The following MRAP variants were observed in gnomAD, a reference collection of about 807,000 sequenced individuals.
The protein encoded by MRAP is melanocortin 2 receptor accessory protein.
In MRAP, 8 loss-of-function variants were observed where a neutral mutation model predicts 8.7. The observed-to-expected ratio is 0.92, with a 90% CI of 0.54 to 1.66. The LOEUF (loss-of-function observed/expected upper bound fraction) is 1.66, where lower values mean the gene tolerates loss of function less well. Among genes scored for constraint, MRAP ranks in the 40% most tolerant of loss-of-function variants. MRAP has a pLI of 0.00. For synonymous variants in MRAP, 95 were observed against 95.5 expected, an observed-to-expected ratio of 1.00 and a Z score of 0.03; for missense variants, 237 against 217.1, an observed-to-expected ratio of 1.09 and a Z score of -0.58.
At chr21:32,300,787 G>A (rs974517877) in intron 1 of MRAP, among the ~76,000 whole-genome samples, 2 of 141,480 alleles carry the variant, frequency 1.4e-5, no homozygotes, top group South Asian at 4.6e-4. Context: ...TCCTATGTCG[G>A]ATGTGTCATG....
In MRAP at chr21:32,309,605, C is replaced by A. The variant is rs1043494397; in HGVS notation, c.207-2079C>A. On this transcript the variant is annotated intron_variant, in intron 2 of 2. Coordinates refer to ENST00000303645, the MANE Select transcript of MRAP (RefSeq NM_001379228.1). ...TAGCTGGGATTACAGGCACCCGCCA[C>A]GACGCACAGCTAATTTTTGTATTTT... 4.6e-5 allele frequency among the ~76,000 whole-genome samples: 7 copies of A among 150,952 alleles called. No homozygotes were observed. The East Asian group carries it at 1.4e-3, about 31-fold the overall frequency.
At chr21:32,304,972 T>TG (rs2032377839) in intron 1 of MRAP, among the ~76,000 whole-genome samples, 1 of 64,644 alleles carries the variant, frequency 1.5e-5, no homozygotes, top group Admixed American at 1.4e-4. Flanking sequence ...GTTGTTTTTT[T>TG]TTTTTTTTTT....
At chr21:32,308,181 T>C (rs2032464604) in intron 2 of MRAP, among the ~76,000 whole-genome samples, 1 of 152,112 alleles carries the variant, frequency 6.6e-6, no homozygotes, top group African/African-American at 2.4e-5. Context: ...GAGACCAGAC[T>C]GGCCAACATG....
intron 1 of MRAP, among the ~76,000 whole-genome samples, chr21:32,300,603 C>T (rs1436199552): frequency 3.8e-5 from 5 of 132,558 alleles, no homozygotes; most frequent in East Asian, 2.4e-4. Context: ...CGTCCTATGT[C>T]GGATATGTCA....
chr21:32,307,312 C>T (rs574056571), intron 2 of MRAP, among the ~76,000 whole-genome samples: 1 of 152,140 alleles, frequency 6.6e-6, no homozygotes, highest in South Asian at 2.1e-4. Context: ...TGGTGGCTCA[C>T]GCCTGTAATC....
intron 2 of MRAP, among the ~76,000 whole-genome samples, chr21:32,310,327 C>G (rs986467576): frequency 2.7e-5 from 4 of 150,202 alleles, no homozygotes; most frequent in African/African-American, 1.0e-4. Flanking sequence ...GAGCTGACAC[C>G]TTCCCATGAT....
intron 2 of MRAP, among the ~76,000 whole-genome samples, chr21:32,310,343 G>A (rs922113322): frequency 6.6e-6 from 1 of 152,178 alleles, no homozygotes. Flanking sequence ...ATGATGGGGG[G>A]GGGAGGGGAG....
At position 32,311,660 on chromosome 21, in the gene MRAP, C is replaced by T. The variant is rs759938295; in HGVS notation, c.207-24C>T. The T allele has an allele frequency of 2.0e-5, 33 of 1,612,398 alleles. No homozygotes were observed. The Admixed American group carries it at 5.2e-4, about 25-fold the overall frequency. ...TGTTCTGCAGCAACTATGATGCCTG[C>T]CTCCCACTCTGCTCTGTTCACAGGA... is the stretch of plus-strand genomic sequence containing the variant. On this transcript the variant is annotated intron_variant, in intron 2 of 2. Coordinates refer to ENST00000303645, the MANE Select transcript of MRAP (RefSeq NM_001379228.1).
At chr21:32,298,347 G>C (rs377206276), upstream of MRAP, among the ~76,000 whole-genome samples, 2 of 152,100 alleles carry the variant, frequency 1.3e-5, no homozygotes, top group African/African-American at 4.8e-5. Context: ...TATAAGTGGA[G>C]AGGTGCACTC....
chr21:32,311,618 A>G, intron 2 of MRAP, 66 bp from the exon 3 acceptor site: 1 of 1,562,516 alleles, frequency 6.4e-7, no homozygotes, highest in East Asian at 2.2e-5. Flanking sequence ...GAAACCCCCC[A>G]GCCCCACAGT....
At chr21:32,298,200 G>A (rs183077406), upstream of MRAP, among the ~76,000 whole-genome samples, 38 of 152,264 alleles carry the variant, frequency 2.5e-4, no homozygotes, top group Middle Eastern at 3.4e-3. Flanking sequence ...AAGAATCTGC[G>A]TCACGTGTGG....
rs532019917 is a variant in MRAP, at chr21:32,299,491, C to T, written c.106+414C>T. Among the ~76,000 whole-genome samples the T allele has an allele frequency of 4.6e-5, 7 of 152,152 alleles. No homozygotes were observed. In the South Asian group the frequency reaches 1.0e-3, roughly 23 times the overall value. On this transcript the variant is annotated intron_variant, in intron 1 of 2. Transcript: ENST00000303645. ...CTGAGACTATGGGCACATGCTACCA[C>T]GCCTGGTTAATTTTGTGTATTTTTT...
chr21:32,298,102 T>C (rs1390976845), upstream of MRAP, among the ~76,000 whole-genome samples: 7 of 152,214 alleles, frequency 4.6e-5, no homozygotes, highest in Non-Finnish European at 1.0e-4. Flanking sequence ...TCCTGCTCAT[T>C]CCAGATGTTC....
intron 1 of MRAP, among the ~76,000 whole-genome samples, chr21:32,300,663 G>A (rs1490771970): frequency 6.8e-6 from 1 of 147,760 alleles, no homozygotes; most frequent in Middle Eastern, 4.1e-3. Flanking sequence ...GGCGTCACAC[G>A]TCCTATGTCG....
intron 1 of MRAP, among the ~76,000 whole-genome samples, chr21:32,306,067 C>T (rs1021158255): frequency 2.0e-5 from 3 of 152,156 alleles, no homozygotes. Flanking sequence ...GAGAGGGACT[C>T]GCTATTTCCA....
chr21:32,307,572 G>A (rs1270827682), intron 2 of MRAP, among the ~76,000 whole-genome samples: 3 of 139,534 alleles, frequency 2.2e-5, no homozygotes, highest in Non-Finnish European at 4.6e-5. Flanking sequence ...GTGAGACTCC[G>A]TCTCAAAAAA....
chr21:32,291,875 C>G (rs1360600303), intron 1 of MRAP: 1 of 151,822 alleles, frequency 6.6e-6, no homozygotes, highest in Non-Finnish European at 1.5e-5. Context: ...GCCCCTTTTT[C>G]TCAATTTTGC....
chr21:32,309,586 G>A (rs1422018907), intron 2 of MRAP, among the ~76,000 whole-genome samples: 1 of 149,454 alleles, frequency 6.7e-6, no homozygotes, highest in African/African-American at 2.4e-5. Flanking sequence ...CGAGTAGCTG[G>A]GATTACAGGC....
At chr21:32,313,091 C>T (rs1359380887), downstream of MRAP, 1 of 152,276 alleles carries the variant, frequency 6.6e-6, no homozygotes, top group African/African-American at 2.4e-5. Context: ...TGAGCTGGAA[C>T]TCGGCTTTGG....
Sources: allele counts gnomAD v4.1 joint callset (sites outside exome capture counted in the v4.1 genomes callset), GRCh38; gene constraint gnomAD v4.1.1; transcripts MANE v1.5; gene names NCBI Gene and HGNC (gene_info 2026-07-23, HGNC 2026-07-21).